The following MS4A5 variants were observed in gnomAD, a reference collection of about 807,000 sequenced individuals.
MS4A5 encodes the protein membrane spanning 4-domains A5.
MS4A5 carries 15 observed loss-of-function variants against 18.2 expected under a neutral mutation model. The ratio of observed to expected loss-of-function variants is 0.83; its 90% CI spans 0.55 to 1.27. MS4A5 has a LOEUF of 1.27. MS4A5 is among the 50% of genes most tolerant of loss of function. The pLI is 0.00. For synonymous variants in MS4A5, 89 were observed against 78.7 expected (o/e 1.13, Z -0.69); for missense variants, 232 against 225.7 (o/e 1.03, Z -0.18).
At chr11:60,434,528 G>C (rs564916993) in intron 4 of MS4A5, among the ~76,000 whole-genome samples, 5 of 152,290 alleles carry the variant, frequency 3.3e-5, no homozygotes, top group Admixed American at 2.6e-4. Context: ...CTTAATATTT[G>C]AATGCACCAG....
chr11:60,447,212 A>G (rs375987168), intron 4 of MS4A5, among the ~76,000 whole-genome samples: 2,863 of 151,702 alleles, frequency 0.019, 99 homozygotes, highest in African/African-American at 0.066. Context: ...ATCCTATGCT[A>G]TGCTATGCTA....
intron 4 of MS4A5, among the ~76,000 whole-genome samples, chr11:60,446,465 A>G (rs1391413772): frequency 6.6e-6 from 1 of 152,066 alleles, no homozygotes; most frequent in Non-Finnish European, 1.5e-5. Context: ...GGGCCGGGCC[A>G]TGGTGGCTCA....
At chr11:60,444,662 G>A (rs958192749) in intron 4 of MS4A5, among the ~76,000 whole-genome samples, 6 of 152,160 alleles carry the variant, frequency 3.9e-5, no homozygotes, top group African/African-American at 1.4e-4. Flanking sequence ...ATGAGAACGT[G>A]CTCAACATTA....
intron 4 of MS4A5, chr11:60,435,448 C>T (rs1339090115): frequency 4.7e-6 from 2 of 429,218 alleles, no homozygotes; most frequent in Non-Finnish European, 9.1e-6. Flanking sequence ...CAAATAGGAA[C>T]AGCTCCGGTC....
intron 4 of MS4A5, 87 bp from the exon 5 acceptor site, chr11:60,447,562 G>A (rs1451612282): frequency 5.8e-6 from 4 of 686,462 alleles, no homozygotes; most frequent in Non-Finnish European, 9.7e-6. Flanking sequence ...TTATTATCTG[G>A]GCATCACTAT....
chr11:60,432,337 A>G (rs1456343485), intron 2 of MS4A5, 74 bp from the exon 3 acceptor site: 1 of 962,468 alleles, frequency 1.0e-6, no homozygotes, highest in East Asian at 2.6e-5. Context: ...AAAGAAATGC[A>G]TAGAGGTCTA....
In MS4A5 at chr11:60,433,865, G is replaced by A. The variant is rs764520315; in HGVS notation, c.440G>A (p.Cys147Tyr). ...TTCATCCTAGATCAAAACTACATTT[G>A]TGGTTATTCTCACCAAAATAGTCAG... ...FGFILDQNYICGYSHQNSQCK... is the reference protein window; with the variant it reads ...FGFILDQNYIYGYSHQNSQCK... The change falls in exon 4 of 5, where the codon TGT (cysteine) becomes TAT (tyrosine). Residue 147 changes from cysteine (C) to tyrosine (Y), a missense_variant. By Grantham distance (194) the Cys-to-Tyr change is radical. Coordinates refer to ENST00000300190, the MANE Select transcript of MS4A5 (RefSeq NM_023945.3). 6.2e-7 allele frequency: 1 copy of A among 1,614,072 alleles called. No homozygotes were observed. Among genetic ancestry groups the A allele is most frequent in the South Asian group, 1.1e-5 (1 of 91,070 alleles).
At chr11:60,430,667 T>C in intron 1 of MS4A5, 129 bp from the exon 2 acceptor site, 1 of 1,014,940 alleles carries the variant, frequency 9.9e-7, no homozygotes, top group Middle Eastern at 3.3e-4. Context: ...TAAAGGGACT[T>C]CTATTATTCT....
chr11:60,432,280 C>G, intron 2 of MS4A5, 131 bp from the exon 3 acceptor site: 1 of 488,398 alleles, frequency 2.0e-6, no homozygotes, highest in Non-Finnish European at 3.6e-6. Flanking sequence ...GCAACTCACC[C>G]TTCTCACTGC....
intron 4 of MS4A5, among the ~76,000 whole-genome samples, chr11:60,444,404 T>G (rs1443244): frequency 1 from 152,108 of 152,170 alleles, 76,023 homozygotes; most frequent in Middle Eastern, 1. Context: ...ACGACCATGG[T>G]AGTAGACAAA....
intron 4 of MS4A5, 36 bp downstream of exon 4, chr11:60,433,953 G>A (rs1388464351): frequency 2.5e-6 from 4 of 1,575,832 alleles, no homozygotes; most frequent in South Asian, 1.1e-5. Flanking sequence ...ATGAGTAAAG[G>A]GCTTAATAGA....
rs749542873 is a variant in MS4A5 at position 60,433,796 on chromosome 11, G to C, written c.371G>C (p.Ser124Thr). 2.5e-6 allele frequency: 4 copies of C among 1,613,726 alleles called. No individual in the cohort carries two copies. Among genetic ancestry groups the C allele is most frequent in the Non-Finnish European group, 3.4e-6 (4 of 1,179,836 alleles). Residue 124 changes from serine (S) to threonine (T), a missense_variant, in exon 4 of 5, where the codon AGT becomes ACT. Physicochemically the swap from Ser to Thr is moderately conservative, Grantham distance 58. Coordinates refer to ENST00000300190, the MANE Select transcript of MS4A5 (RefSeq NM_023945.3). ...TTGAGCCGAATAATGAATTTTCTTA[G>C]TGCCCTGGGAGCAATAGCTGGAATC... Reference protein sequence around the residue: ...IILSRIMNFLSALGAIAGIIL... With the variant: ...IILSRIMNFLTALGAIAGIIL...
intron 4 of MS4A5, chr11:60,435,431 A>C (rs1415652428): frequency 6.8e-6 from 3 of 440,910 alleles, no homozygotes; most frequent in African/African-American, 6.2e-5. Flanking sequence ...GGAGGAGCCA[A>C]GATGGCCAAA....
intron 4 of MS4A5, among the ~76,000 whole-genome samples, chr11:60,446,590 G>C (rs563077819): frequency 6.6e-6 from 1 of 152,080 alleles, no homozygotes; most frequent in South Asian, 2.1e-4. Context: ...AAAACTAGCC[G>C]GGTTTGGTGG....
chr11:60,444,565 T>A (rs1252578724), intron 4 of MS4A5, among the ~76,000 whole-genome samples: 14 of 152,004 alleles, frequency 9.2e-5, no homozygotes, highest in Non-Finnish European at 1.5e-5. Flanking sequence ...TAAGCACTCC[T>A]GAAAATCAAT....
chr11:60,446,032 T>C (rs1169139178), intron 4 of MS4A5, among the ~76,000 whole-genome samples: 2 of 152,240 alleles, frequency 1.3e-5, no homozygotes, highest in Admixed American at 6.5e-5. Context: ...CACCTGTATA[T>C]AATGGTATAT....
intron 4 of MS4A5, among the ~76,000 whole-genome samples, chr11:60,447,371 A>ATGCT (rs1565190029): frequency 4.0e-5 from 4 of 100,372 alleles, no homozygotes; most frequent in African/African-American, 1.2e-4. Flanking sequence ...TATGCTATGC[A>ATGCT]ATGCAGTGCT....
chr11:60,436,075 T>A (rs886147565), intron 4 of MS4A5, among the ~76,000 whole-genome samples: 1 of 152,006 alleles, frequency 6.6e-6, no homozygotes, highest in Non-Finnish European at 1.5e-5. Context: ...CAGCTGGAGA[T>A]CTGAGAACGG....
rs758755712 is a variant in MS4A5, at chr11:60,433,916, TG to T, written c.492+1del. ...SQCKAVTVLF[L>X]GILITLMTFS... ...TGTAAGGCTGTTACTGTCCTGTTCT[TG>T]GTAAGTATGTTGCATTTATAGAGTG... On this transcript the variant is annotated frameshift_variant and splice_region_variant, in exon 4 of 5. Coordinates refer to ENST00000300190, the MANE Select transcript of MS4A5 (RefSeq NM_023945.3). LOFTEE classifies it low-confidence loss of function (END_TRUNC). 1 of 1,613,716 alleles carries T rather than the reference TG, an allele frequency of 6.2e-7. No individual in the cohort carries two copies. Among genetic ancestry groups the T allele is most frequent in the African/African-American group, 1.3e-5 (1 of 75,036 alleles).
Sources: allele counts gnomAD v4.1 joint callset (sites outside exome capture counted in the v4.1 genomes callset), GRCh38; gene constraint gnomAD v4.1.1; transcripts MANE v1.5; gene names NCBI Gene and HGNC (gene_info 2026-07-23, HGNC 2026-07-21).